The following GAGE12E variants were observed in gnomAD, a reference collection of about 807,000 sequenced individuals.
The protein encoded by GAGE12E is G antigen 12B/C/D/E.
intron 4 of GAGE12E, among the ~76,000 whole-genome samples, chrX:49,557,434 T>C (rs2066556135): frequency 1.4e-5 from 1 of 69,764 alleles, no homozygotes; most frequent in Non-Finnish European, 3.5e-5. Context: ...GTTAGTTACA[T>C]ATGTATACAT....
chrX:49,557,260 T>G (rs1323622333), intron 4 of GAGE12E, among the ~76,000 whole-genome samples: 389 of 63,114 alleles, frequency 6.2e-3, no homozygotes, highest in Non-Finnish European at 0.013. Context: ...TTGTTTTCAT[T>G]TTTGTAGAGA....
chrX:49,557,364 A>C (rs2066555588), intron 4 of GAGE12E, among the ~76,000 whole-genome samples: 1 of 80,461 alleles, frequency 1.2e-5, no homozygotes, highest in South Asian at 6.3e-4. Flanking sequence ...TTATTTATTT[A>C]TTTATTTATT....
chrX:49,557,363 T>C (rs2066555577), intron 4 of GAGE12E, among the ~76,000 whole-genome samples: 2 of 80,884 alleles, frequency 2.5e-5, no homozygotes, highest in Non-Finnish European at 5.9e-5. Context: ...TTTATTTATT[T>C]ATTTATTTAT....
chrX:49,557,338 T>TC, intron 4 of GAGE12E, among the ~76,000 whole-genome samples: 1 of 80,344 alleles, frequency 1.2e-5, no homozygotes, highest in Admixed American at 1.2e-4. Flanking sequence ...TCTTTTTTTT[T>TC]CTTTTATTTA....
At chrX:49,557,893 G>GGAT (rs2066557878) in intron 4 of GAGE12E, among the ~76,000 whole-genome samples, 1 of 476 alleles carries the variant, frequency 2.1e-3, no homozygotes, top group African/African-American at 2.9e-3. Context: ...CCCAGTAATG[G>GGAT]GATGGCTGGG....
At chrX:49,557,698 A>C (rs1557129162) in intron 4 of GAGE12E, among the ~76,000 whole-genome samples, 6 of 15,239 alleles carry the variant, frequency 3.9e-4, no homozygotes, top group African/African-American at 1.0e-3. Context: ...AAGGACATGA[A>C]CTCATCATTT....
intron 4 of GAGE12E, among the ~76,000 whole-genome samples, chrX:49,557,344 A>C (rs1221665155): frequency 6.2e-5 from 5 of 80,119 alleles, no homozygotes; most frequent in Admixed American, 3.7e-4. Flanking sequence ...TTTTTCTTTT[A>C]TTTATTTATT....
Position 49,557,376 on chromosome X carries a change from A to G in GAGE12E, c.332-1157A>G, listed in dbSNP as rs782817090. ...TATTTATTTATTTATTTATTTATTT[A>G]TTTATCATTATACTTTAAGTTTTAG... On this transcript the variant is annotated intron_variant, in intron 4 of 4. Transcript: ENST00000381698. 2.6e-3 allele frequency among the ~76,000 whole-genome samples: 204 copies of G among 79,306 alleles called. 15 individuals are homozygous for G. Among genetic ancestry groups the G allele is most frequent in the African/African-American group, 7.2e-3 (194 of 27,119 alleles). The allele number at this position is 79,306 out of a possible 115,157, so 68.9% of individuals were successfully genotyped here.
intron 4 of GAGE12E, among the ~76,000 whole-genome samples, chrX:49,557,323 T>C (rs2066555204): frequency 1.3e-5 from 1 of 78,280 alleles, no homozygotes; most frequent in African/African-American, 3.7e-5. Flanking sequence ...TAATGAACAA[T>C]TGCTTCTTTT....
At chrX:49,557,678 T>C (rs2066557418) in intron 4 of GAGE12E, among the ~76,000 whole-genome samples, 2 of 20,900 alleles carry the variant, frequency 9.6e-5, no homozygotes, top group Non-Finnish European at 2.6e-4. Context: ...GTTTCATCCA[T>C]GTCCCTACAA....
Sources: allele counts gnomAD v4.1 joint callset (sites outside exome capture counted in the v4.1 genomes callset), GRCh38; gene constraint gnomAD v4.1.1; transcripts MANE v1.5; gene names NCBI Gene and HGNC (gene_info 2026-07-23, HGNC 2026-07-21).